Variants in PRUNE2 observed in about 807,000 individuals in gnomAD.
PRUNE2 encodes the protein protein prune homolog 2.
A neutral mutation model predicts 252.0 loss-of-function variants in PRUNE2; 164 were observed. The ratio of observed to expected loss-of-function variants is 0.65; its 90% confidence interval spans 0.57 to 0.74. The LOEUF is 0.74. PRUNE2 is among the 30% of genes least tolerant of loss of function. The pLI is 0.00. For synonymous variants in PRUNE2, 1,292 were observed against 1,350.2 expected (o/e 0.96, Z 0.94); for missense variants, 3,495 against 3,711.0 (o/e 0.94, Z 1.51).
intron 1 of PRUNE2, among the ~76,000 whole-genome samples, chr9:76,864,264 A>C (rs58259602): frequency 0.026 from 3,894 of 152,222 alleles, 166 homozygotes; most frequent in African/African-American, 0.089. Flanking sequence ...ATGGATGTAA[A>C]TGTGGGAACA....
chr9:76,715,361 G>A (rs902357434), intron 6 of PRUNE2, among the ~76,000 whole-genome samples: 4 of 152,162 alleles, frequency 2.6e-5, no homozygotes, highest in African/African-American at 9.7e-5. Context: ...CAAGACCCTG[G>A]GTAGGTAGGC....
In PRUNE2 at chr9:76,704,941, C is replaced by T. The variant is rs1364014425; in HGVS notation, c.7333G>A (p.Glu2445Lys). The T allele has an allele frequency of 6.2e-7, 1 of 1,612,684 alleles. No homozygotes were observed. The highest frequency in any genetic ancestry group is 2.2e-5 in the East Asian group (1 of 44,848). The change falls in exon 8 of 19, where the codon GAG (glutamate) becomes AAG (lysine). Residue 2445 changes from glutamate (E) to lysine (K), a missense_variant. By Grantham distance (56) the Glu-to-Lys change is moderately conservative. Coordinates refer to ENST00000376718, the MANE Select transcript of PRUNE2 (RefSeq NM_015225.3). ...PDRRSEGNQAETKNRLPGSQL... is the reference protein window; with the variant it reads ...PDRRSEGNQAKTKNRLPGSQL... ...GATCCAGGCAGTCTGTTTTTGGTCT[C>T]AGCCTGGTTTCCCTCACTTCTTCGA...
chr9:76,854,411 A>C (rs1481802905), intron 1 of PRUNE2, among the ~76,000 whole-genome samples: 2 of 152,248 alleles, frequency 1.3e-5, no homozygotes, highest in East Asian at 1.9e-4. Flanking sequence ...AACTCTAGTA[A>C]ACTTTCTGGA....
chr9:76,824,852 C>T (rs11145086), intron 5 of PRUNE2, among the ~76,000 whole-genome samples: 19,234 of 152,242 alleles, frequency 0.13, 1,327 homozygotes, highest in East Asian at 0.18. Context: ...AAGCCACAAT[C>T]TTTCACAATG....
chr9:76,726,747 T>G (rs2048138053), intron 6 of PRUNE2, among the ~76,000 whole-genome samples: 1 of 152,242 alleles, frequency 6.6e-6, no homozygotes, highest in East Asian at 1.9e-4. Context: ...GGTGTTTCTC[T>G]TTTTGGCCCT....
intron 6 of PRUNE2, among the ~76,000 whole-genome samples, chr9:76,724,303 C>CAAAAAAAAAAAAA (rs796291956): frequency 1.4e-5 from 1 of 69,418 alleles, no homozygotes; most frequent in Admixed American, 1.8e-4. Flanking sequence ...GATAGAAATA[C>CAAAAAAAAAAAAA]AAAAAAAAAA....
At chr9:76,630,212 T>C (rs927359483) in intron 15 of PRUNE2, among the ~76,000 whole-genome samples, 1 of 151,940 alleles carries the variant, frequency 6.6e-6, no homozygotes, top group Non-Finnish European at 1.5e-5. Context: ...ACTTTAAAAA[T>C]ATATGTAAAC....
chr9:76,895,660 C>G (rs1481607910), intron 1 of PRUNE2, among the ~76,000 whole-genome samples: 1 of 152,134 alleles, frequency 6.6e-6, no homozygotes. Context: ...CTATGAGCAT[C>G]AGATATGTAC....
Position 76,887,344 on chromosome 9 carries a change from A to C in PRUNE2, c.36+18584T>G, listed in dbSNP as rs371176913. Among the ~76,000 whole-genome samples the C allele has an allele frequency of 5.9e-5, 9 of 152,198 alleles. No homozygotes were observed. In the South Asian group the frequency reaches 1.0e-3, roughly 18 times the overall value. On this transcript the variant is annotated intron_variant, in intron 1 of 18. Coordinates refer to ENST00000376718, the MANE Select transcript of PRUNE2 (RefSeq NM_015225.3). ...AATCTCCTATTTTTTAAGGTTTTTA[A>C]TTGGTCACAATCTACCCATTGATAT...
At chr9:76,723,388 T>C (rs1016169959) in intron 6 of PRUNE2, among the ~76,000 whole-genome samples, 5 of 152,194 alleles carry the variant, frequency 3.3e-5, no homozygotes, top group African/African-American at 1.2e-4. Context: ...CAAATCTTAT[T>C]ATCTAAAGAT....
chr9:76,687,058 T>G (rs2044174680), intron 9 of PRUNE2, among the ~76,000 whole-genome samples: 1 of 152,214 alleles, frequency 6.6e-6, no homozygotes, highest in African/African-American at 2.4e-5. Context: ...GAGCCTTGAT[T>G]ACATCTGAAC....
chr9:76,784,235 G>A (rs142852814), intron 6 of PRUNE2: 1 of 152,214 alleles, frequency 6.6e-6, no homozygotes. Flanking sequence ...TAAAGGATGG[G>A]CAGGAAAACA....
chr9:76,727,647 T>TC (rs200646073), intron 6 of PRUNE2, among the ~76,000 whole-genome samples: 221 of 124,786 alleles, frequency 1.8e-3, no homozygotes, highest in African/African-American at 8.3e-3. Flanking sequence ...TTCTTCTTCT[T>TC]TTTTTTTTTT....
intron 10 of PRUNE2, among the ~76,000 whole-genome samples, chr9:76,654,488 C>A (rs1848519999): frequency 6.6e-6 from 1 of 152,174 alleles, no homozygotes; most frequent in Non-Finnish European, 1.5e-5. Context: ...CCAAAGAATT[C>A]TTTGTGATGA....
At chr9:76,743,896 C>T (rs1356930345) in intron 6 of PRUNE2, among the ~76,000 whole-genome samples, 1 of 152,128 alleles carries the variant, frequency 6.6e-6, no homozygotes, top group Non-Finnish European at 1.5e-5. Flanking sequence ...TATTTTGCAT[C>T]ATTTTTCTTA....
chr9:76,620,879 C>A (rs1831998529), intron 17 of PRUNE2, among the ~76,000 whole-genome samples: 1 of 152,188 alleles, frequency 6.6e-6, no homozygotes, highest in Non-Finnish European at 1.5e-5. Flanking sequence ...ACTGTCACTC[C>A]AAAGGCAACA....
At chr9:76,755,285 T>G (rs1299354123) in intron 6 of PRUNE2, among the ~76,000 whole-genome samples, 1 of 152,138 alleles carries the variant, frequency 6.6e-6, no homozygotes, top group African/African-American at 2.4e-5. Flanking sequence ...CACTGGCTCA[T>G]TCACGGTAGA....
At chr9:76,842,658 C>T (rs1027898619) in intron 4 of PRUNE2, among the ~76,000 whole-genome samples, 5 of 152,148 alleles carry the variant, frequency 3.3e-5, no homozygotes, top group African/African-American at 1.2e-4. Context: ...ACAACCCCAA[C>T]AAAAACTAGG....
At chr9:76,786,885 C>T (rs1407331152) in intron 6 of PRUNE2, 1 of 152,178 alleles carries the variant, frequency 6.6e-6, no homozygotes, top group Non-Finnish European at 1.5e-5. Flanking sequence ...AATGAGAAAC[C>T]CAGTGGCTCC....
Sources: allele counts gnomAD v4.1 joint callset (sites outside exome capture counted in the v4.1 genomes callset), GRCh38; gene constraint gnomAD v4.1.1; transcripts MANE v1.5; gene names NCBI Gene and HGNC (gene_info 2026-07-23, HGNC 2026-07-21).